The following ESRRG variants were observed in gnomAD, a reference collection of about 807,000 sequenced individuals.
ESRRG encodes the protein estrogen-related receptor gamma.
Under a neutral mutation model 44.0 loss-of-function variants are expected in ESRRG, and 13 were observed. That is an observed-to-expected ratio of 0.30 (90% CI 0.19 to 0.47). The LOEUF (loss-of-function observed/expected upper bound fraction) is 0.47, where lower values mean the gene tolerates loss of function less well. Ranked by LOEUF, ESRRG falls within the 20% of genes least tolerant of loss-of-function variation. The pLI is 1.00. For missense variants in ESRRG, 395 were observed against 580.6 expected, an observed-to-expected ratio of 0.68 and a Z score of 3.29; for synonymous variants, 215 against 214.6, an observed-to-expected ratio of 1.00 and a Z score of -0.02.
chr1:216,806,217 T>A (rs2094787223), intron 2 of ESRRG, among the ~76,000 whole-genome samples: 1 of 152,206 alleles, frequency 6.6e-6, no homozygotes, highest in Admixed American at 6.5e-5. Flanking sequence ...GAGGCTAACA[T>A]GCAGCAATTA....
chr1:216,646,085 C>G (rs12023399), intron 3 of ESRRG, among the ~76,000 whole-genome samples: 36,857 of 151,710 alleles, frequency 0.24, 4,667 homozygotes, highest in East Asian at 0.45. Flanking sequence ...GAAGCTAAAC[C>G]AGTAATTTTA....
intron 1 of ESRRG, among the ~76,000 whole-genome samples, chr1:217,047,679 G>C (rs1057487503): frequency 6.6e-6 from 1 of 152,048 alleles, no homozygotes; most frequent in South Asian, 2.1e-4. Context: ...GTTCCAATGG[G>C]GGAAGCAGAT....
intron 2 of ESRRG, among the ~76,000 whole-genome samples, chr1:216,652,164 C>A (rs1034322634): frequency 6.6e-6 from 1 of 152,150 alleles, no homozygotes; most frequent in Non-Finnish European, 1.5e-5. Context: ...TCATCAGAGA[C>A]GGTCCGAGCA....
At chr1:217,103,929 G>A (rs552931082) in intron 1 of ESRRG, among the ~76,000 whole-genome samples, 1 of 152,222 alleles carries the variant, frequency 6.6e-6, no homozygotes, top group Non-Finnish European at 1.5e-5. Context: ...GAAATAGTAG[G>A]GGAAAATATC....
intron 2 of ESRRG, among the ~76,000 whole-genome samples, chr1:216,778,237 C>A (rs968837991): frequency 1.3e-5 from 2 of 151,940 alleles, no homozygotes; most frequent in Non-Finnish European, 2.9e-5. Context: ...AGTTTAAGTG[C>A]AATGCAGTGG....
chr1:216,969,580 A>G (rs1296881477), intron 1 of ESRRG, among the ~76,000 whole-genome samples: 2 of 151,972 alleles, frequency 1.3e-5, no homozygotes. Context: ...TGGCCCTTCT[A>G]TAGAAATTTT....
chr1:217,090,722 G>A (rs942087839), upstream of ESRRG, among the ~76,000 whole-genome samples: 3 of 152,292 alleles, frequency 2.0e-5, no homozygotes, highest in Admixed American at 6.5e-5. Context: ...AATTTGGGGG[G>A]CTCCGGGCAT....
At chr1:216,667,320 C>A (rs2074146699) in intron 2 of ESRRG, among the ~76,000 whole-genome samples, 2 of 152,096 alleles carry the variant, frequency 1.3e-5, no homozygotes, top group South Asian at 4.1e-4. Flanking sequence ...TAGGCCATAT[C>A]ACACAGTAGA....
chr1:216,542,072 C>CACAGAGAGAG (rs1014701541), intron 5 of ESRRG, among the ~76,000 whole-genome samples: 15 of 139,846 alleles, frequency 1.1e-4, no homozygotes, highest in Non-Finnish European at 4.7e-5. Context: ...GTGTCTATGA[C>CACAGAGAGAG]AGAGAGAGAG....
chr1:217,014,213 G>A (rs747991982), intron 1 of ESRRG, among the ~76,000 whole-genome samples: 1 of 151,972 alleles, frequency 6.6e-6, no homozygotes, highest in East Asian at 1.9e-4. Context: ...TATTTCTGGG[G>A]GTGTTTTCTG....
intron 2 of ESRRG, among the ~76,000 whole-genome samples, chr1:216,814,966 C>T (rs1385876796): frequency 6.6e-6 from 1 of 152,218 alleles, no homozygotes; most frequent in Non-Finnish European, 1.5e-5. Flanking sequence ...TTAAGTTAAT[C>T]TCTATGAGGT....
chr1:216,906,668 A>G (rs2059719724), intron 2 of ESRRG, among the ~76,000 whole-genome samples: 1 of 152,210 alleles, frequency 6.6e-6, no homozygotes, highest in Admixed American at 6.5e-5. Flanking sequence ...CTAGTGATTG[A>G]CCTGAATGAA....
At chr1:216,767,514 T>G (rs2093143856) in intron 2 of ESRRG, among the ~76,000 whole-genome samples, 1 of 152,188 alleles carries the variant, frequency 6.6e-6, no homozygotes, top group Admixed American at 6.6e-5. Context: ...CCATGATGTC[T>G]GTAATTTTCA....
chr1:216,824,659 T>C (rs1445563278), intron 2 of ESRRG, among the ~76,000 whole-genome samples: 1 of 152,138 alleles, frequency 6.6e-6, no homozygotes, highest in Admixed American at 6.5e-5. Context: ...CAGTCTTTCC[T>C]AGAGTTTATG....
At chr1:216,909,553 A>G (rs559992278) in intron 2 of ESRRG, among the ~76,000 whole-genome samples, 2 of 152,196 alleles carry the variant, frequency 1.3e-5, no homozygotes, top group East Asian at 3.9e-4. Flanking sequence ...GCTGGAGTAC[A>G]GTTGTATTTT....
intron 1 of ESRRG, among the ~76,000 whole-genome samples, chr1:216,716,772 T>G (rs2084971261): frequency 1.3e-5 from 2 of 151,970 alleles, no homozygotes; most frequent in African/African-American, 4.8e-5. Flanking sequence ...TTAAAATTTT[T>G]TAAATGCCAA....
intron 2 of ESRRG, among the ~76,000 whole-genome samples, chr1:216,777,827 T>C (rs1284460273): frequency 1.3e-5 from 2 of 152,106 alleles, no homozygotes; most frequent in Admixed American, 6.6e-5. Flanking sequence ...AAAAAGCTGA[T>C]AAATTGTTTA....
intron 5 of ESRRG, among the ~76,000 whole-genome samples, chr1:216,563,829 T>C (rs1044320661): frequency 6.6e-6 from 1 of 152,170 alleles, no homozygotes; most frequent in Non-Finnish European, 1.5e-5. Flanking sequence ...AAACTAGTGA[T>C]TCTTAGTTGG....
chr1:217,036,851 A>AG (rs397982917), intron 1 of ESRRG, among the ~76,000 whole-genome samples: 178 of 151,556 alleles, frequency 1.2e-3, no homozygotes, highest in Middle Eastern at 0.01. Flanking sequence ...GAAAAAAAAA[A>AG]GAGTATAGGC....
Sources: gnomAD v4.1 joint callset for allele counts (sites outside exome capture counted in the v4.1 genomes callset) on GRCh38, gnomAD v4.1.1 for gene constraint, MANE v1.5 for transcripts, NCBI Gene and HGNC (gene_info 2026-07-23, HGNC 2026-07-21) for gene names.